ADGB: variants seen among roughly 807,000 people sequenced by gnomAD.
ADGB encodes the protein calpain-7-like protein.
In ADGB, 172 loss-of-function variants were observed where a neutral mutation model predicts 210.5. That is an observed-to-expected ratio of 0.82 (90% CI 0.72 to 0.93). The LOEUF is 0.93. ADGB is among the 40% of genes least tolerant of loss of function. The pLI, the probability that ADGB is intolerant of heterozygous loss-of-function variation, is 0.00. For synonymous variants in ADGB, 658 were observed against 662.7 expected, an observed-to-expected ratio of 0.99 and a Z score of 0.11; for missense variants, 2,025 against 1,964.8, an observed-to-expected ratio of 1.03 and a Z score of -0.58.
chr6:146,644,475 A>G (rs1035611431), intron 2 of ADGB, among the ~76,000 whole-genome samples: 7 of 151,946 alleles, frequency 4.6e-5, no homozygotes, highest in Non-Finnish European at 8.8e-5. Flanking sequence ...GCCGTATCTA[A>G]TATAGTTTCC....
chr6:146,756,674 C>T lies in ADGB; in HGVS notation c.3550+3960C>T, dbSNP rs1777410333. 2.0e-5 allele frequency among the ~76,000 whole-genome samples: 3 copies of T among 151,874 alleles called. No individual in the cohort carries two copies. In the South Asian group the frequency reaches 6.2e-4, roughly 31 times the overall value. On this transcript the variant is annotated intron_variant, in intron 27 of 35. Coordinates refer to ENST00000397944, the MANE Select transcript of ADGB (RefSeq NM_024694.4). Reference sequence around the variant, plus strand: ...CCTCCCACTGTACCAATATATTTCCCTTCTAAATGCCCCAATAAATAGTAC... The same window carrying T: ...CCTCCCACTGTACCAATATATTTCCTTTCTAAATGCCCCAATAAATAGTAC...
chr6:146,715,271 A>T, intron 13 of ADGB, 111 bp from the exon 14 acceptor site: 1 of 977,880 alleles, frequency 1.0e-6, no homozygotes, highest in Non-Finnish European at 1.5e-6. Flanking sequence ...TTTCCCAAAA[A>T]TCTATTTCTT....
chr6:146,766,337 G>C (rs1347898446), intron 28 of ADGB, among the ~76,000 whole-genome samples: 1 of 152,016 alleles, frequency 6.6e-6, no homozygotes, highest in Non-Finnish European at 1.5e-5. Flanking sequence ...TGAGGCATGA[G>C]AACCGCTTGA....
At chr6:146,761,254 A>G (rs1280065832) in intron 27 of ADGB, among the ~76,000 whole-genome samples, 1 of 152,000 alleles carries the variant, frequency 6.6e-6, no homozygotes, top group African/African-American at 2.4e-5. Flanking sequence ...GCATCTTGAA[A>G]TAATATTTAT....
chr6:146,697,434 T>C (rs1776421279), intron 12 of ADGB, among the ~76,000 whole-genome samples: 1 of 152,034 alleles, frequency 6.6e-6, no homozygotes, highest in East Asian at 1.9e-4. Context: ...TGGTGAAAAT[T>C]TAAAAAAGAA....
intron 5 of ADGB, among the ~76,000 whole-genome samples, chr6:146,663,328 G>T (rs1289023685): frequency 2.0e-5 from 3 of 151,008 alleles, no homozygotes; most frequent in African/African-American, 7.3e-5. Flanking sequence ...TATATTTCTG[G>T]AGGCTGGGAA....
intron 1 of ADGB, among the ~76,000 whole-genome samples, chr6:146,633,471 A>G (rs923399290): frequency 1.3e-5 from 2 of 151,874 alleles, no homozygotes; most frequent in Non-Finnish European, 2.9e-5. Context: ...CAATCTTTGC[A>G]TCTAGTACCT....
chr6:146,700,056 GA>G (rs1364240286), intron 12 of ADGB, among the ~76,000 whole-genome samples: 3 of 152,196 alleles, frequency 2.0e-5, no homozygotes, highest in Non-Finnish European at 4.4e-5. Context: ...CCAAATCAGA[GA>G]TATGTGGATG....
At chr6:146,741,310 C>A in intron 25 of ADGB, 39 bp downstream of exon 25, 1 of 1,538,696 alleles carries the variant, frequency 6.5e-7, no homozygotes. Flanking sequence ...GATAGAATGG[C>A]AGTGAAAAGC....
At chr6:146,774,069 G>A (rs1437449475) in intron 29 of ADGB, among the ~76,000 whole-genome samples, 1 of 152,110 alleles carries the variant, frequency 6.6e-6, no homozygotes, top group Non-Finnish European at 1.5e-5. Context: ...ATAATATACA[G>A]TAGTACTGGC....
chr6:146,727,601 A>C (rs2114579250), intron 19 of ADGB, among the ~76,000 whole-genome samples: 1 of 152,298 alleles, frequency 6.6e-6, no homozygotes, highest in East Asian at 1.9e-4. Context: ...ATTTCCCTGG[A>C]GATATTACTT....
At chr6:146,803,743 G>A (rs1390199435) in intron 35 of ADGB, 3 of 806,704 alleles carry the variant, frequency 3.7e-6, no homozygotes, top group Non-Finnish European at 6.0e-6. Context: ...ATGGTACCGC[G>A]GCGCCTCAGC....
intron 16 of ADGB, among the ~76,000 whole-genome samples, chr6:146,719,364 G>A (rs1167312209): frequency 6.6e-6 from 1 of 152,044 alleles, no homozygotes; most frequent in African/African-American, 2.4e-5. Flanking sequence ...GTCATGATAA[G>A]CACAGAATTT....
intron 29 of ADGB, among the ~76,000 whole-genome samples, chr6:146,771,117 G>T (rs954540724): frequency 6.6e-6 from 1 of 151,970 alleles, no homozygotes. Flanking sequence ...GTCTCAAGCC[G>T]AATACGCCCG....
chr6:146,643,272 A>G (rs1352861067), intron 2 of ADGB, among the ~76,000 whole-genome samples: 1 of 151,506 alleles, frequency 6.6e-6, no homozygotes, highest in African/African-American at 2.4e-5. Flanking sequence ...ATAATGTTCA[A>G]ACTGTACACA....
At chr6:146,793,287 C>T (rs143317018) in intron 33 of ADGB, among the ~76,000 whole-genome samples, 11 of 152,304 alleles carry the variant, frequency 7.2e-5, no homozygotes, top group Admixed American at 5.9e-4. Flanking sequence ...GTGCATTTTA[C>T]AATCCTCTTG....
intron 1 of ADGB, among the ~76,000 whole-genome samples, chr6:146,633,960 T>C (rs1781100831): frequency 6.6e-6 from 1 of 152,120 alleles, no homozygotes; most frequent in South Asian, 2.1e-4. Flanking sequence ...CTCCCAGGCC[T>C]TCACAGTCAC....
intron 2 of ADGB, chr6:146,639,028 GC>G (rs1393261712): frequency 1.3e-5 from 2 of 153,444 alleles, no homozygotes; most frequent in Admixed American, 1.3e-4. Flanking sequence ...TTGGTAATAG[GC>G]TTTTGGGCAA....
chr6:146,739,080 C>T (rs944284500), intron 23 of ADGB, among the ~76,000 whole-genome samples: 4 of 152,168 alleles, frequency 2.6e-5, no homozygotes, highest in South Asian at 2.1e-4. Context: ...ATTCATTAAA[C>T]GGGTAGAATG....
Sources: allele counts gnomAD v4.1 joint callset (sites outside exome capture counted in the v4.1 genomes callset), GRCh38; gene constraint gnomAD v4.1.1; transcripts MANE v1.5; gene names NCBI Gene and HGNC (gene_info 2026-07-23, HGNC 2026-07-21).